Variants in ZNF385B observed in about 807,000 individuals in gnomAD.
ZNF385B encodes zinc finger protein 385B.
A neutral mutation model predicts 39.2 loss-of-function variants in ZNF385B; 23 were observed. The ratio of observed to expected loss-of-function variants is 0.59; its 90% confidence interval spans 0.42 to 0.83. The LOEUF is 0.83. Ranked by LOEUF, ZNF385B falls within the 40% of genes least tolerant of loss-of-function variation. The pLI is 0.00. For synonymous variants in ZNF385B, 205 were observed against 222.6 expected (o/e 0.92, Z 0.70); for missense variants, 552 against 598.9 (o/e 0.92, Z 0.82).
At chr2:179,660,934 C>T (rs1461807061) in intron 3 of ZNF385B, among the ~76,000 whole-genome samples, 1 of 152,122 alleles carries the variant, frequency 6.6e-6, no homozygotes, top group African/African-American at 2.4e-5. Context: ...TTATATTATC[C>T]TCCAATAGAT....
At chr2:179,730,151 A>T (rs1003927525) in intron 3 of ZNF385B, among the ~76,000 whole-genome samples, 3 of 152,190 alleles carry the variant, frequency 2.0e-5, no homozygotes, top group Admixed American at 2.0e-4. Flanking sequence ...TTTAAGATTG[A>T]TTACACCCTG....
intron 1 of ZNF385B, among the ~76,000 whole-genome samples, chr2:179,850,362 G>C (rs887210390): frequency 6.6e-6 from 1 of 152,162 alleles, no homozygotes; most frequent in African/African-American, 2.4e-5. Context: ...CATATTTTCA[G>C]CTAGAGGGAG....
intron 3 of ZNF385B, among the ~76,000 whole-genome samples, chr2:179,746,527 G>A (rs1409573170): frequency 3.3e-5 from 5 of 152,070 alleles, no homozygotes; most frequent in Non-Finnish European, 5.9e-5. Context: ...CTAGCACCAG[G>A]ACAAAATACC....
At chr2:179,756,662 G>A (rs1027358888) in intron 3 of ZNF385B, among the ~76,000 whole-genome samples, 2 of 149,796 alleles carry the variant, frequency 1.3e-5, no homozygotes, top group African/African-American at 2.4e-5. Context: ...ATATACCTTC[G>A]AGGCTTTGTT....
intron 3 of ZNF385B, among the ~76,000 whole-genome samples, chr2:179,575,326 G>C (rs556121661): frequency 6.6e-6 from 1 of 152,042 alleles, no homozygotes; most frequent in Non-Finnish European, 1.5e-5. Flanking sequence ...ACAAGATTTC[G>C]TACAAATCTT....
intron 1 of ZNF385B, among the ~76,000 whole-genome samples, chr2:179,808,899 A>G (rs1706560357): frequency 6.6e-6 from 1 of 152,258 alleles, no homozygotes; most frequent in African/African-American, 2.4e-5. Context: ...AATATCAGCA[A>G]TGTGTTCCTC....
At chr2:179,690,045 C>T (rs1028857449) in intron 3 of ZNF385B, among the ~76,000 whole-genome samples, 5 of 152,156 alleles carry the variant, frequency 3.3e-5, no homozygotes, top group African/African-American at 1.2e-4. Flanking sequence ...TCTCCTAACT[C>T]TGCCCATACC....
intron 1 of ZNF385B, among the ~76,000 whole-genome samples, chr2:179,851,515 A>G (rs954215973): frequency 2.0e-5 from 3 of 152,238 alleles, no homozygotes; most frequent in African/African-American, 7.2e-5. Flanking sequence ...CGTAGGGTTC[A>G]ATCATAACAT....
At chr2:179,633,276 C>G (rs975029217) in intron 3 of ZNF385B, among the ~76,000 whole-genome samples, 1 of 152,130 alleles carries the variant, frequency 6.6e-6, no homozygotes, top group Admixed American at 6.5e-5. Context: ...ACCAATCTCC[C>G]TGATGAATGT....
At chr2:179,764,581 T>C (rs531789033) in intron 3 of ZNF385B, among the ~76,000 whole-genome samples, 1 of 152,314 alleles carries the variant, frequency 6.6e-6, no homozygotes, top group Non-Finnish European at 1.5e-5. Context: ...TCTTTATTTA[T>C]TTATATTTTG....
At chr2:179,475,080 A>C (rs929069581) in intron 6 of ZNF385B, among the ~76,000 whole-genome samples, 4 of 152,192 alleles carry the variant, frequency 2.6e-5, no homozygotes, top group African/African-American at 9.7e-5. Context: ...TATGGTAGCC[A>C]CTAGCCTTAT....
chr2:179,779,112 C>G (rs1403948684), intron 1 of ZNF385B, among the ~76,000 whole-genome samples: 1 of 152,030 alleles, frequency 6.6e-6, no homozygotes, highest in Non-Finnish European at 1.5e-5. Flanking sequence ...CTTTTTTCCT[C>G]TGGTATAGAT....
chr2:179,753,032 G>A (rs1702777532), intron 3 of ZNF385B, among the ~76,000 whole-genome samples: 1 of 152,180 alleles, frequency 6.6e-6, no homozygotes, highest in Non-Finnish European at 1.5e-5. Context: ...GAATGGTATT[G>A]CCTAGGTTTT....
At chr2:179,530,693 T>C (rs2059198523) in intron 4 of ZNF385B, among the ~76,000 whole-genome samples, 1 of 152,228 alleles carries the variant, frequency 6.6e-6, no homozygotes, top group Non-Finnish European at 1.5e-5. Context: ...CCTTTGAATA[T>C]ATTTCTGTTC....
chr2:179,746,105 A>G, intron 3 of ZNF385B: 2 of 902,722 alleles, frequency 2.2e-6, no homozygotes, highest in Non-Finnish European at 2.7e-6. Flanking sequence ...CTTCATTATC[A>G]ATGCATGAAA....
At chr2:179,738,343 A>G (rs1043336086) in intron 3 of ZNF385B, among the ~76,000 whole-genome samples, 1 of 152,130 alleles carries the variant, frequency 6.6e-6, no homozygotes, top group Non-Finnish European at 1.5e-5. Flanking sequence ...TCACCTTCAA[A>G]TGAAAACACC....
At chr2:179,619,808 T>A (rs989585360) in intron 3 of ZNF385B, among the ~76,000 whole-genome samples, 1 of 152,122 alleles carries the variant, frequency 6.6e-6, no homozygotes, top group South Asian at 2.1e-4. Flanking sequence ...TATAAATACA[T>A]AGAAAATAAA....
intron 3 of ZNF385B, among the ~76,000 whole-genome samples, chr2:179,627,203 T>C (rs1307218589): frequency 6.6e-6 from 1 of 152,194 alleles, no homozygotes. Flanking sequence ...TAATTTTAAC[T>C]AATTATAGAA....
In ZNF385B at chr2:179,791,482, T is replaced by C. The variant is rs111716119; in HGVS notation, c.-154-20810A>G. Among the ~76,000 whole-genome samples, 7 of 152,310 alleles carry C rather than the reference T, an allele frequency of 4.6e-5. 1 individual carries two copies. The highest frequency in any genetic ancestry group is 1.7e-4 in the African/African-American group (7 of 41,558). On this transcript the variant is annotated intron_variant, in intron 1 of 9. Transcript: ENST00000410066. ...TGTAAGTGGAGATTCTCCAAGAAAGTGCATGAAAATGAACCATTCTGTTTT... is the reference window on the plus strand; with the variant it reads ...TGTAAGTGGAGATTCTCCAAGAAAGCGCATGAAAATGAACCATTCTGTTTT...
Sources: allele counts gnomAD v4.1 joint callset (sites outside exome capture counted in the v4.1 genomes callset), GRCh38; gene constraint gnomAD v4.1.1; transcripts MANE v1.5; gene names NCBI Gene and HGNC (gene_info 2026-07-23, HGNC 2026-07-21).